The following SI variants were observed in gnomAD, a reference collection of about 807,000 sequenced individuals.
The protein encoded by SI is sucrase-isomaltase.
Under a neutral mutation model 253.3 loss-of-function variants are expected in SI, and 235 were observed. The observed-to-expected ratio is 0.93, with a 90% confidence interval of 0.83 to 1.03. The LOEUF is 1.03. Among genes scored for constraint, SI ranks in the 50% least tolerant of loss-of-function variants. The pLI, the probability that SI is intolerant of heterozygous loss-of-function variation, is 0.00. For synonymous variants in SI, 819 were observed against 712.0 expected, an observed-to-expected ratio of 1.15 and a Z score of -2.39; for missense variants, 2,442 against 2,211.1, an observed-to-expected ratio of 1.10 and a Z score of -2.09.
chr3:165,023,858 C>T, intron 25 of SI, 82 bp from the exon 26 acceptor site: 4 of 922,102 alleles, frequency 4.3e-6, no homozygotes, highest in Non-Finnish European at 7.0e-6. Context: ...GACGTTTAGT[C>T]ACACATTGTA....
At position 165,050,025 on chromosome 3, in the gene SI, A is replaced by G. The variant is rs1713346876; in HGVS notation, c.1513-150T>C. 5 of 626,228 alleles carry G rather than the reference A, an allele frequency of 8.0e-6. No homozygotes were observed. In the Middle Eastern group the frequency reaches 1.3e-3, roughly 166 times the overall value. 38.8% of individuals were successfully genotyped at this position (626,228 alleles called of 1,614,324 possible). On this transcript the variant is annotated intron_variant, in intron 13 of 47. Coordinates refer to ENST00000264382, the MANE Select transcript of SI (RefSeq NM_001041.4). ...ATAAATATAAGCTACCAACCTAAAA[A>G]TAAACAGAATGTCTATATCAGATAA...
intron 37 of SI, among the ~76,000 whole-genome samples, chr3:165,004,416 G>A (rs567074544): frequency 1.6e-4 from 25 of 152,128 alleles, no homozygotes; most frequent in South Asian, 1.5e-3. Context: ...TAAAAATAGA[G>A]CTACTATATG....
chr3:165,044,431 A>G (rs1713011024), intron 16 of SI, among the ~76,000 whole-genome samples: 1 of 151,926 alleles, frequency 6.6e-6, no homozygotes, highest in Non-Finnish European at 1.5e-5. Flanking sequence ...CCAATTCTTG[A>G]TATTTTCAGA....
At chr3:165,068,179 G>GC (rs71156881) in intron 5 of SI, among the ~76,000 whole-genome samples, 88,670 of 151,830 alleles carry the variant, frequency 0.58, 26,256 homozygotes, top group East Asian at 0.81. Flanking sequence ...TTAATCTTCT[G>GC]CATAGCCTGT....
At chr3:165,051,075 G>T (rs1576910429) in intron 13 of SI, among the ~76,000 whole-genome samples, 1 of 152,118 alleles carries the variant, frequency 6.6e-6, no homozygotes, top group Middle Eastern at 3.4e-3. Flanking sequence ...TTGTATTGTA[G>T]TCATTTGTTT....
chr3:165,086,042 T>G, the SI span, among the ~76,000 whole-genome samples: 1 of 151,992 alleles, frequency 6.6e-6, no homozygotes, highest in African/African-American at 2.4e-5. Flanking sequence ...TCACTTGAGG[T>G]CAGGAGTTCG....
intron 34 of SI, among the ~76,000 whole-genome samples, chr3:165,012,565 T>C (rs1306374696): frequency 6.6e-6 from 1 of 151,614 alleles, no homozygotes; most frequent in Non-Finnish European, 1.5e-5. Context: ...AGTAGCTGGG[T>C]CTACAGGCTC....
chr3:165,006,714 A>C, intron 37 of SI, 102 bp downstream of exon 37: 1 of 997,972 alleles, frequency 1.0e-6, no homozygotes, highest in Non-Finnish European at 1.6e-6. Flanking sequence ...TGGGAAGTAA[A>C]GAGATACAAG....
At chr3:164,987,482 G>A (rs770250364) in intron 44 of SI, among the ~76,000 whole-genome samples, 11 of 152,166 alleles carry the variant, frequency 7.2e-5, no homozygotes, top group Non-Finnish European at 1.6e-4. Context: ...AGGCCAAGGC[G>A]GGTGGATCAT....
At position 165,040,365 on chromosome 3, in the gene SI, T is replaced by C. The variant is rs555019844; in HGVS notation, c.2160-394A>G. Among the ~76,000 whole-genome samples, 3 of 152,138 alleles carry C rather than the reference T, an allele frequency of 2.0e-5. No individual in the cohort carries two copies. The East Asian group carries it at 5.8e-4, about 29-fold the overall frequency. Reference sequence around the variant, plus strand: ...CATACTCAGAAAAATCTATCACAGATGACAAGGTTACTTTTTATTTATACA... The same window carrying C: ...CATACTCAGAAAAATCTATCACAGACGACAAGGTTACTTTTTATTTATACA... On this transcript the variant is annotated intron_variant, in intron 18 of 47. Coordinates refer to ENST00000264382, the MANE Select transcript of SI (RefSeq NM_001041.4).
intron 13 of SI, among the ~76,000 whole-genome samples, chr3:165,053,158 G>A (rs1047529521): frequency 1.1e-4 from 16 of 151,250 alleles, no homozygotes; most frequent in African/African-American, 3.4e-4. Flanking sequence ...TCAACTATTC[G>A]ATTATCCCAT....
chr3:165,011,301 T>C (rs1718756429), intron 34 of SI, among the ~76,000 whole-genome samples: 1 of 152,170 alleles, frequency 6.6e-6, no homozygotes, highest in Non-Finnish European at 1.5e-5. Context: ...TGCTAAGTTG[T>C]ATTTTTATTT....
chr3:165,015,879 C>G, intron 32 of SI, 73 bp downstream of exon 32: 2 of 1,290,072 alleles, frequency 1.6e-6, no homozygotes, highest in Non-Finnish European at 2.3e-6. Flanking sequence ...GAAACATCTT[C>G]CCCCCCACCT....
intron 33 of SI, among the ~76,000 whole-genome samples, chr3:165,013,807 G>A (rs1718884391): frequency 6.6e-6 from 1 of 152,130 alleles, no homozygotes; most frequent in South Asian, 2.1e-4. Flanking sequence ...AGAATGAGGA[G>A]AAAGTAGGAA....
chr3:165,048,764 C>A (rs1311789704), intron 15 of SI, among the ~76,000 whole-genome samples: 2 of 151,616 alleles, frequency 1.3e-5, no homozygotes, highest in African/African-American at 4.8e-5. Flanking sequence ...ATTACAGGTG[C>A]CTGCCACCTC....
chr3:165,025,239 A>T (rs1278787957), intron 25 of SI, among the ~76,000 whole-genome samples: 1 of 151,268 alleles, frequency 6.6e-6, no homozygotes, highest in Non-Finnish European at 1.5e-5. Flanking sequence ...ATACAGGCAG[A>T]GGAAAGAACT....
chr3:164,982,906 C>T, intron 46 of SI, 96 bp downstream of exon 46: 1 of 1,194,866 alleles, frequency 8.4e-7, no homozygotes, highest in South Asian at 1.3e-5. Context: ...CCATGTCAGC[C>T]TCCCAATGAA....
intron 33 of SI, among the ~76,000 whole-genome samples, chr3:165,013,432 T>A: frequency 6.6e-6 from 1 of 152,138 alleles, no homozygotes; most frequent in East Asian, 1.9e-4. Context: ...TAAATCTTTT[T>A]GTTTGAAAGG....
intron 37 of SI, among the ~76,000 whole-genome samples, chr3:165,002,567 A>C (rs1181651959): frequency 6.6e-6 from 1 of 151,802 alleles, no homozygotes; most frequent in Non-Finnish European, 1.5e-5. Flanking sequence ...TATGGTCTGT[A>C]TAACTTGAGA....
Sources: allele counts gnomAD v4.1 joint callset (sites outside exome capture counted in the v4.1 genomes callset), GRCh38; gene constraint gnomAD v4.1.1; transcripts MANE v1.5; gene names NCBI Gene and HGNC (gene_info 2026-07-23, HGNC 2026-07-21).